The following ATP6V1H variants were observed in gnomAD, a reference collection of about 807,000 sequenced individuals.
ATP6V1H encodes V-type proton ATPase subunit H.
A neutral mutation model predicts 71.7 loss-of-function variants in ATP6V1H; 39 were observed. That is an observed-to-expected ratio of 0.54 (90% CI 0.42 to 0.71). The LOEUF (loss-of-function observed/expected upper bound fraction) is 0.71, where lower values mean the gene tolerates loss of function less well. Ranked by LOEUF, ATP6V1H falls within the 30% of genes least tolerant of loss-of-function variation. ATP6V1H has a pLI of 0.00. For synonymous variants in ATP6V1H, 192 were observed against 199.3 expected, an observed-to-expected ratio of 0.96 and a Z score of 0.31; for missense variants, 509 against 594.9, an observed-to-expected ratio of 0.86 and a Z score of 1.50.
At chr8:53,806,544 T>TA (rs1563475418) in intron 7 of ATP6V1H, among the ~76,000 whole-genome samples, 1 of 152,250 alleles carries the variant, frequency 6.6e-6, no homozygotes, top group South Asian at 2.1e-4. Flanking sequence ...ATTACATGAC[T>TA]AGTGGGAATC....
chr8:53,785,449 T>C (rs1237316559), intron 9 of ATP6V1H, among the ~76,000 whole-genome samples: 1 of 152,254 alleles, frequency 6.6e-6, no homozygotes, highest in Non-Finnish European at 1.5e-5. Context: ...CTAATTTTTT[T>C]TCAAGGTTTT....
chr8:53,757,085 T>C (rs1046365173), intron 11 of ATP6V1H, among the ~76,000 whole-genome samples: 1 of 152,160 alleles, frequency 6.6e-6, no homozygotes, highest in African/African-American at 2.4e-5. Flanking sequence ...CGTCTTCCCC[T>C]CTCTCTTGCC....
intron 9 of ATP6V1H, among the ~76,000 whole-genome samples, chr8:53,787,504 TTAATC>T (rs1286503767): frequency 1.3e-5 from 2 of 151,560 alleles, no homozygotes; most frequent in Non-Finnish European, 2.9e-5. Context: ...AACATCATGA[TTAATC>T]TATCTAATGA....
intron 12 of ATP6V1H, among the ~76,000 whole-genome samples, chr8:53,744,063 T>C (rs1456974157): frequency 1.3e-5 from 2 of 152,108 alleles, no homozygotes; most frequent in African/African-American, 2.4e-5. Flanking sequence ...ACCATCTAAT[T>C]TTCATAACAA....
intron 13 of ATP6V1H, among the ~76,000 whole-genome samples, chr8:53,726,229 C>T (rs545441511): frequency 6.6e-6 from 1 of 152,216 alleles, no homozygotes; most frequent in African/African-American, 2.4e-5. Context: ...TGATTATATA[C>T]CCATACTTTA....
chr8:53,802,548 A>G (rs146725476), intron 7 of ATP6V1H, among the ~76,000 whole-genome samples: 16 of 152,008 alleles, frequency 1.1e-4, no homozygotes, highest in African/African-American at 3.4e-4. Context: ...GTGAAACCCC[A>G]TATCTACTAA....
chr8:53,781,297 A>G (rs1219252263), intron 9 of ATP6V1H, among the ~76,000 whole-genome samples: 2 of 152,194 alleles, frequency 1.3e-5, no homozygotes, highest in South Asian at 2.1e-4. Flanking sequence ...GCCAGTGATG[A>G]TGAGCATTTT....
rs531509176 is a variant in ATP6V1H, at chr8:53,778,084, A to C, written c.871-5917T>G. Among the ~76,000 whole-genome samples the C allele has an allele frequency of 3.9e-5, 6 of 152,340 alleles. No homozygotes were observed. The South Asian group carries it at 8.3e-4, about 21-fold the overall frequency. ...ACTACAAGTGCTTACATTTTACATAAGGTAGTACAATAGAAAGGATGTGTA... is the reference window on the plus strand; with the variant it reads ...ACTACAAGTGCTTACATTTTACATACGGTAGTACAATAGAAAGGATGTGTA... On this transcript the variant is annotated intron_variant, in intron 9 of 13. Transcript: ENST00000359530.
intron 11 of ATP6V1H, among the ~76,000 whole-genome samples, chr8:53,766,455 T>C (rs969696242): frequency 6.6e-6 from 1 of 152,210 alleles, no homozygotes; most frequent in Non-Finnish European, 1.5e-5. Context: ...TTGAGCATTA[T>C]GAAATGTGGG....
At chr8:53,759,415 C>A (rs1808185364) in intron 11 of ATP6V1H, among the ~76,000 whole-genome samples, 1 of 152,210 alleles carries the variant, frequency 6.6e-6, no homozygotes, top group Non-Finnish European at 1.5e-5. Context: ...TCCAAGATGT[C>A]TCTGAATACA....
intron 13 of ATP6V1H, among the ~76,000 whole-genome samples, chr8:53,723,283 T>A (rs1806687995): frequency 6.6e-6 from 1 of 152,208 alleles, no homozygotes. Flanking sequence ...CACATCCAAC[T>A]GGTATACAAG....
intron 9 of ATP6V1H, among the ~76,000 whole-genome samples, chr8:53,789,527 G>C (rs1056505119): frequency 6.6e-6 from 1 of 152,042 alleles, no homozygotes; most frequent in Non-Finnish European, 1.5e-5. Flanking sequence ...ATAGAAACTT[G>C]CAGCACTTAA....
chr8:53,798,110 AT>A (rs1809799715), intron 8 of ATP6V1H, among the ~76,000 whole-genome samples: 1 of 152,166 alleles, frequency 6.6e-6, no homozygotes. Flanking sequence ...TATAATGTAA[AT>A]TTTTCTATCT....
intron 8 of ATP6V1H, among the ~76,000 whole-genome samples, 194 bp downstream of exon 8, chr8:53,801,605 A>G (rs1809911474): frequency 6.6e-6 from 1 of 152,202 alleles, no homozygotes. Context: ...TTAACCTCTT[A>G]TAAAAGAACA....
At chr8:53,784,605 G>A (rs568458150) in intron 9 of ATP6V1H, among the ~76,000 whole-genome samples, 8 of 152,272 alleles carry the variant, frequency 5.3e-5, no homozygotes, top group Admixed American at 3.9e-4. Context: ...TATTCTGCTC[G>A]TTAGTTGATG....
intron 9 of ATP6V1H, among the ~76,000 whole-genome samples, chr8:53,781,441 G>GC (rs1809128131): frequency 6.6e-6 from 1 of 151,982 alleles, no homozygotes; most frequent in Non-Finnish European, 1.5e-5. Context: ...CTGGATATTA[G>GC]CCTTTGTCAG....
chr8:53,733,549 A>T (rs775625450), intron 13 of ATP6V1H, among the ~76,000 whole-genome samples: 38 of 152,250 alleles, frequency 2.5e-4, no homozygotes, highest in African/African-American at 8.7e-4. Flanking sequence ...AAGAAAGCTC[A>T]GATCTGCAGA....
intron 9 of ATP6V1H, among the ~76,000 whole-genome samples, chr8:53,794,557 G>A (rs1777929117): frequency 6.6e-6 from 1 of 152,058 alleles, no homozygotes; most frequent in African/African-American, 2.4e-5. Flanking sequence ...GTAGGGACGG[G>A]GTTTCACTGT....
rs745318410 is a variant in ATP6V1H at position 53,811,149 on chromosome 8, A to G, written c.579+15T>C. On this transcript the variant is annotated intron_variant, in intron 7 of 13. Coordinates refer to ENST00000359530, the MANE Select transcript of ATP6V1H (RefSeq NM_015941.4). ...TATTTTGGGGATGTTTAGGCCAGTG[A>G]AGGAATATACTTACATCACTTGAAG... 6.2e-7 allele frequency: 1 copy of G among 1,610,260 alleles called. No homozygotes were observed. The highest frequency in any genetic ancestry group is 1.7e-5 in the Admixed American group (1 of 59,776).
Sources: gnomAD v4.1 joint callset for allele counts (sites outside exome capture counted in the v4.1 genomes callset) on GRCh38, gnomAD v4.1.1 for gene constraint, MANE v1.5 for transcripts, NCBI Gene and HGNC (gene_info 2026-07-23, HGNC 2026-07-21) for gene names.